The following RBFOX1 variants were observed in gnomAD, a reference collection of about 807,000 sequenced individuals.
RBFOX1 encodes the protein RNA binding protein fox-1 homolog 1.
A neutral mutation model predicts 57.7 loss-of-function variants in RBFOX1; 8 were observed. The observed-to-expected ratio is 0.14, with a 90% CI of 0.08 to 0.25. RBFOX1 has a LOEUF of 0.25. Among genes scored for constraint, RBFOX1 ranks in the 10% least tolerant of loss-of-function variants. The probability of loss-of-function intolerance (pLI) is 1.00; values close to 1 mark genes in which losing one functional copy is unlikely to be tolerated. For synonymous variants in RBFOX1, 326 were observed against 222.4 expected (o/e 1.47, Z -4.15); for missense variants, 611 against 548.5 (o/e 1.11, Z -1.14).
chr16:5,620,211 G>A (rs1488817417), intron 3 of RBFOX1, among the ~76,000 whole-genome samples: 1 of 152,106 alleles, frequency 6.6e-6, no homozygotes, highest in African/African-American at 2.4e-5. Flanking sequence ...AGGATCATCA[G>A]TCCTGGCATT....
At chr16:6,828,076 C>A (rs2092368495) in intron 3 of RBFOX1, among the ~76,000 whole-genome samples, 1 of 152,156 alleles carries the variant, frequency 6.6e-6, no homozygotes, top group Non-Finnish European at 1.5e-5. Flanking sequence ...CTCTAAGATG[C>A]ATGCAGTTAT....
chr16:6,710,720 C>T (rs722256), intron 3 of RBFOX1, among the ~76,000 whole-genome samples: 6 of 152,198 alleles, frequency 3.9e-5, no homozygotes, highest in Admixed American at 6.5e-5. Flanking sequence ...TGCTTGCCCT[C>T]GGGTGGCCCA....
In RBFOX1 at chr16:7,567,324, T is replaced by TCC. The variant is rs1567865782; in HGVS notation, c.271-12451_271-12450dup. The stretch of plus-strand genomic sequence containing the variant: ...GGCCCTATATATATATATATATATC[T>TCC]CCCTATATATGGCCCTATATATATA... On this transcript the variant is annotated intron_variant, in intron 5 of 15. Transcript: ENST00000550418. Among the ~76,000 whole-genome samples, 3 of 85,412 alleles carry TCC rather than the reference T, an allele frequency of 3.5e-5. No individual in the cohort carries two copies. In the East Asian group the frequency reaches 7.8e-4, roughly 22 times the overall value. The allele number at this position is 85,412 out of a possible 152,430, so 56.0% of individuals were successfully genotyped here.
At chr16:6,001,045 A>T (rs923772264) in intron 4 of RBFOX1, among the ~76,000 whole-genome samples, 1 of 151,954 alleles carries the variant, frequency 6.6e-6, no homozygotes, top group East Asian at 1.9e-4. Flanking sequence ...GGATCGATGG[A>T]TGGGTAGGTG....
At chr16:5,596,689 T>C (rs1180000937) in intron 2 of RBFOX1, among the ~76,000 whole-genome samples, 4 of 152,196 alleles carry the variant, frequency 2.6e-5, no homozygotes, top group Admixed American at 2.6e-4. Context: ...TGCAGTTTTT[T>C]CTTGGTCCAT....
At position 7,270,529 on chromosome 16, in the gene RBFOX1, CCTT is replaced by C. The variant is rs557969955; in HGVS notation, c.27+218435_27+218437del. Among the ~76,000 whole-genome samples the C allele has an allele frequency of 6.6e-5, 10 of 152,318 alleles. No individual in the cohort carries two copies. In the East Asian group the frequency reaches 1.9e-3, roughly 29 times the overall value. On this transcript the variant is annotated intron_variant, in intron 4 of 15. Transcript: ENST00000550418. ...GAAGGTACCATTGGGCAGTTTCAGA[CCTT>C]CTTGCAATGCAGTGGTGGCTCACTG...
At chr16:6,499,586 A>G (rs2095859393) in intron 2 of RBFOX1, among the ~76,000 whole-genome samples, 1 of 152,108 alleles carries the variant, frequency 6.6e-6, no homozygotes, top group African/African-American at 2.4e-5. Flanking sequence ...AGAGTCTTGT[A>G]ATCTTCTGCA....
At chr16:7,454,952 G>A (rs1337088677) in intron 4 of RBFOX1, among the ~76,000 whole-genome samples, 1 of 152,106 alleles carries the variant, frequency 6.6e-6, no homozygotes, top group Non-Finnish European at 1.5e-5. Flanking sequence ...TCCCAGCCCT[G>A]GGCCATACCC....
chr16:6,643,474 ACT>A (rs775036524), intron 2 of RBFOX1, among the ~76,000 whole-genome samples: 31 of 152,088 alleles, frequency 2.0e-4, no homozygotes, highest in Middle Eastern at 3.2e-3. Flanking sequence ...GTGAACACAG[ACT>A]CTGAAGAATT....
downstream of RBFOX1, among the ~76,000 whole-genome samples, chr16:5,602,437 T>C (rs576493647): frequency 1.3e-5 from 2 of 152,210 alleles, no homozygotes; most frequent in African/African-American, 2.4e-5. Flanking sequence ...TTTAAGTCAA[T>C]TGTGTATATC....
chr16:6,874,191 A>ACG, intron 3 of RBFOX1, among the ~76,000 whole-genome samples: 1 of 151,870 alleles, frequency 6.6e-6, no homozygotes, highest in African/African-American at 2.4e-5. Flanking sequence ...ATACACACAC[A>ACG]AACACATGCT....
chr16:7,473,662 T>C (rs989326197), intron 4 of RBFOX1, among the ~76,000 whole-genome samples: 1 of 151,944 alleles, frequency 6.6e-6, no homozygotes, highest in African/African-American at 2.4e-5. Context: ...TATGGCTAAA[T>C]TTAATGGTTA....
intron 3 of RBFOX1, among the ~76,000 whole-genome samples, chr16:6,720,649 A>T (rs36059198): frequency 6.6e-6 from 1 of 151,914 alleles, no homozygotes; most frequent in East Asian, 1.9e-4. Flanking sequence ...TGTCGGGAGA[A>T]TAGTTGGTGA....
intron 4 of RBFOX1, among the ~76,000 whole-genome samples, chr16:7,055,626 G>T (rs1251539435): frequency 6.6e-6 from 1 of 152,132 alleles, no homozygotes; most frequent in East Asian, 1.9e-4. Flanking sequence ...TTTCTTAGAT[G>T]TCATTGGCCA....
chr16:5,670,277 T>A (rs1206374478), intron 3 of RBFOX1, among the ~76,000 whole-genome samples: 2 of 152,218 alleles, frequency 1.3e-5, no homozygotes, highest in African/African-American at 4.8e-5. Flanking sequence ...CTTAATACTG[T>A]GAGTGTATTA....
chr16:5,701,721 A>G (rs192381737), intron 3 of RBFOX1, among the ~76,000 whole-genome samples: 3 of 152,318 alleles, frequency 2.0e-5, no homozygotes, highest in Admixed American at 2.0e-4. Flanking sequence ...GGTGTGAGCC[A>G]CCACATCTGG....
intron 12 of RBFOX1, among the ~76,000 whole-genome samples, chr16:7,659,481 T>G (rs1417180051): frequency 6.6e-6 from 1 of 152,204 alleles, no homozygotes; most frequent in Admixed American, 6.5e-5. Flanking sequence ...CTCAGAATAC[T>G]TTAGACACAG....
rs368901476 is a variant in RBFOX1 at position 7,009,873 on chromosome 16, G to T, written c.-15-42184G>T. On this transcript the variant is annotated intron_variant, in intron 3 of 15. Coordinates refer to ENST00000550418, the MANE Select transcript of RBFOX1 (RefSeq NM_018723.4). ...AACTACGAATATTAAAATATTCCTG[G>T]GCTATTTTGGTGCCGTTTAGCTGTG... 4.7e-4 allele frequency among the ~76,000 whole-genome samples: 71 copies of T among 152,208 alleles called. 1 individual carries two copies. In the East Asian group the frequency reaches 8.7e-3, roughly 19 times the overall value.
intron 3 of RBFOX1, among the ~76,000 whole-genome samples, chr16:6,966,814 T>C (rs572698980): frequency 6.6e-6 from 1 of 151,344 alleles, no homozygotes; most frequent in African/African-American, 2.4e-5. Context: ...TGTCTGTCTG[T>C]CTGTCTATCT....
Sources: gnomAD v4.1 joint callset for allele counts (sites outside exome capture counted in the v4.1 genomes callset) on GRCh38, gnomAD v4.1.1 for gene constraint, MANE v1.5 for transcripts, NCBI Gene and HGNC (gene_info 2026-07-23, HGNC 2026-07-21) for gene names.